Variants in COG5 observed in about 807,000 individuals in gnomAD.
The protein encoded by COG5 is component of oligomeric golgi complex 5, also known as conserved oligomeric Golgi complex subunit 5.
COG5 carries 86 observed loss-of-function variants against 110.4 expected under a neutral mutation model. The ratio of observed to expected loss-of-function variants is 0.78; its 90% CI spans 0.65 to 0.93. COG5 has a LOEUF of 0.93. Ranked by LOEUF, COG5 falls within the 40% of genes least tolerant of loss-of-function variation. The pLI is 0.00. For missense variants in COG5, 1,077 were observed against 987.0 expected (o/e 1.09, Z -1.22); for synonymous variants, 360 against 334.6 (o/e 1.08, Z -0.83).
chr7:107,560,979 T>C (rs1384805392), intron 1 of COG5, among the ~76,000 whole-genome samples: 1 of 151,562 alleles, frequency 6.6e-6, no homozygotes, highest in Non-Finnish European at 1.5e-5. Flanking sequence ...GATAGGAAAG[T>C]GGGGGGTGGA....
At chr7:107,557,952 A>G (rs1378348834) in intron 2 of COG5, 24 bp downstream of exon 2, 1 of 1,613,424 alleles carries the variant, frequency 6.2e-7, no homozygotes, top group South Asian at 1.1e-5. Flanking sequence ...AATAATCCAT[A>G]GGGACCCAGA....
intron 5 of COG5, 194 bp downstream of exon 5, chr7:107,547,917 A>C: frequency 1.7e-6 from 1 of 605,266 alleles, no homozygotes; most frequent in Non-Finnish European, 2.9e-6. Context: ...CACTGCAATG[A>C]CAGTGAAAAG....
At chr7:107,227,376 T>C (rs1359772756) in intron 19 of COG5, among the ~76,000 whole-genome samples, 3 of 152,072 alleles carry the variant, frequency 2.0e-5, no homozygotes, top group African/African-American at 7.2e-5. Flanking sequence ...GGTCAAAAGT[T>C]TGAAAACTGT....
chr7:107,241,116 G>C (rs113457883), intron 17 of COG5, among the ~76,000 whole-genome samples: 4 of 152,166 alleles, frequency 2.6e-5, no homozygotes, highest in African/African-American at 9.7e-5. Flanking sequence ...AGCTGTTAAT[G>C]TCTAATGTGT....
chr7:107,300,626 T>C lies in COG5; in HGVS notation c.1109-2280A>G, dbSNP rs534284255. 1.1e-4 allele frequency among the ~76,000 whole-genome samples: 16 copies of C among 152,132 alleles called. 1 individual carries two copies. The South Asian group carries it at 2.3e-3, about 22-fold the overall frequency. ...TAGATATATCTGACAAAATGGGAAATAGCTGCACACTGAAAACTACAAAAA... is the reference window on the plus strand; with the variant it reads ...TAGATATATCTGACAAAATGGGAAACAGCTGCACACTGAAAACTACAAAAA... On this transcript the variant is annotated intron_variant, in intron 11 of 21. Coordinates refer to ENST00000297135, the MANE Select transcript of COG5 (RefSeq NM_006348.5).
intron 6 of COG5, chr7:107,472,465 C>G (rs1031645415): frequency 8.6e-5 from 13 of 151,944 alleles, no homozygotes; most frequent in African/African-American, 2.9e-4. Context: ...GAATCTTGCT[C>G]TAGAGAAAAT....
At chr7:107,243,385 T>C (rs1480340720) in intron 17 of COG5, among the ~76,000 whole-genome samples, 1 of 151,384 alleles carries the variant, frequency 6.6e-6, no homozygotes, top group African/African-American at 2.4e-5. Context: ...CGGTGGCGGG[T>C]GCCTGTAGTC....
chr7:107,388,905 G>A (rs1290500951), intron 7 of COG5, among the ~76,000 whole-genome samples: 1 of 152,096 alleles, frequency 6.6e-6, no homozygotes, highest in Non-Finnish European at 1.5e-5. Flanking sequence ...TTCCACAGAC[G>A]ACACAAGCCT....
intron 6 of COG5, among the ~76,000 whole-genome samples, chr7:107,433,958 A>G (rs1425620424): frequency 6.6e-6 from 1 of 152,206 alleles, no homozygotes; most frequent in Non-Finnish European, 1.5e-5. Flanking sequence ...TACAATTAAG[A>G]AACAAAAAAG....
chr7:107,300,999 A>G (rs953455125), intron 11 of COG5, among the ~76,000 whole-genome samples: 39 of 152,306 alleles, frequency 2.6e-4, no homozygotes, highest in African/African-American at 8.9e-4. Context: ...AGACCCACAC[A>G]TATCTGACAG....
At chr7:107,249,172 T>C (rs113906518) in intron 16 of COG5, among the ~76,000 whole-genome samples, 3 of 152,298 alleles carry the variant, frequency 2.0e-5, no homozygotes, top group African/African-American at 7.2e-5. Flanking sequence ...TAGGTTTCAG[T>C]TGAGAGTTCT....
rs778729147 is a variant in COG5 at position 107,554,266 on chromosome 7, G to T, written c.292+19C>A. 1 of 1,607,950 alleles carries T rather than the reference G, an allele frequency of 6.2e-7. No homozygotes were observed. The highest frequency in any genetic ancestry group is 2.2e-5 in the East Asian group (1 of 44,832). On this transcript the variant is annotated intron_variant, in intron 3 of 21. Coordinates refer to ENST00000297135, the MANE Select transcript of COG5 (RefSeq NM_006348.5). The stretch of plus-strand genomic sequence containing the variant: ...CTGGTCTAGCTCTACATAATCTCTA[G>T]CAGTTATTAGAAATATACCTTCCAA...
chr7:107,471,230 T>C (rs1796614682), intron 6 of COG5: 1 of 152,156 alleles, frequency 6.6e-6, no homozygotes, highest in South Asian at 2.1e-4. Context: ...ATTTTATGCA[T>C]ATAGCTGTGG....
intron 6 of COG5, among the ~76,000 whole-genome samples, chr7:107,480,447 T>C (rs1797273485): frequency 6.6e-6 from 1 of 151,986 alleles, no homozygotes; most frequent in Non-Finnish European, 1.5e-5. Context: ...TAAAAATGAG[T>C]TGACCAATAA....
chr7:107,267,337 CCTCT>C (rs746825518), intron 14 of COG5, among the ~76,000 whole-genome samples: 43 of 152,150 alleles, frequency 2.8e-4, no homozygotes, highest in Non-Finnish European at 7.4e-5. Context: ...AATCTATTAT[CCTCT>C]CTAAGAGCTT....
At chr7:107,253,445 C>T (rs1311826609) in intron 16 of COG5, among the ~76,000 whole-genome samples, 1 of 151,858 alleles carries the variant, frequency 6.6e-6, no homozygotes, top group Non-Finnish European at 1.5e-5. Context: ...AACATCAAAC[C>T]CACACAAAAA....
At chr7:107,277,716 T>C (rs1413812953) in intron 14 of COG5, among the ~76,000 whole-genome samples, 1 of 152,202 alleles carries the variant, frequency 6.6e-6, no homozygotes, top group Non-Finnish European at 1.5e-5. Flanking sequence ...AGGTTAATGA[T>C]GGTAGTTATT....
At chr7:107,371,843 G>A (rs1814197602) in intron 8 of COG5, among the ~76,000 whole-genome samples, 1 of 152,218 alleles carries the variant, frequency 6.6e-6, no homozygotes, top group Non-Finnish European at 1.5e-5. Flanking sequence ...TACAACTGCA[G>A]AGTGCTTGGT....
At chr7:107,227,562 T>G (rs1166244391) in intron 19 of COG5, among the ~76,000 whole-genome samples, 1 of 152,210 alleles carries the variant, frequency 6.6e-6, no homozygotes, top group African/African-American at 2.4e-5. Context: ...AAAATTTCCA[T>G]CTTAAATGGC....
Sources: allele counts gnomAD v4.1 joint callset (sites outside exome capture counted in the v4.1 genomes callset), GRCh38; gene constraint gnomAD v4.1.1; transcripts MANE v1.5; gene names NCBI Gene and HGNC (gene_info 2026-07-23, HGNC 2026-07-21).